Variants in CFAP65 observed in about 807,000 individuals in gnomAD.
CFAP65 encodes the protein cilia- and flagella-associated protein 65.
CFAP65 carries 155 observed loss-of-function variants against 208.0 expected under a neutral mutation model. That is an observed-to-expected ratio of 0.75 (90% CI 0.65 to 0.85). CFAP65 has a LOEUF of 0.85. Ranked by LOEUF, CFAP65 falls within the 40% of genes least tolerant of loss-of-function variation. The pLI is 0.00. For missense variants in CFAP65, 2,294 were observed against 2,451.3 expected, an observed-to-expected ratio of 0.94 and a Z score of 1.36; for synonymous variants, 970 against 986.3, an observed-to-expected ratio of 0.98 and a Z score of 0.31.
At position 219,004,286 on chromosome 2, in the gene CFAP65, C is replaced by T. The variant is rs779288534; in HGVS notation, c.5221G>A (p.Gly1741Arg). The T allele has an allele frequency of 1.2e-6, 2 of 1,614,142 alleles. No homozygotes were observed. The highest frequency in any genetic ancestry group is 3.3e-5 in the Admixed American group (2 of 60,022). The part of the protein sequence containing the change: ...LPVPSSSWED[G>R]KGKQPKEDRP... ...TCTTCCTTCGGCTGCTTGCCCTTCCCATCCTCCCAGCTGCTGGAGGGTACA... is the reference window on the plus strand; with the variant it reads ...TCTTCCTTCGGCTGCTTGCCCTTCCTATCCTCCCAGCTGCTGGAGGGTACA... The change falls in exon 33 of 35, where the codon GGG (glycine) becomes AGG (arginine). Residue 1741 changes from glycine (G) to arginine (R), a missense_variant. This residue lies in a region of CFAP65 where 1,427 missense variants were observed against 1,438.7 expected (regional missense o/e 0.99). Transcript: ENST00000341552. The surrounding 1 kb of genome is among the most constrained non-coding windows in gnomAD (Gnocchi z 4.7).
In CFAP65 at chr2:219,028,196, T is replaced by C; in HGVS notation, c.1851+5A>G. Reference sequence around the variant, plus strand: ...AGGGATATGCAGCTGGGGAGGGCACTGTACCTGGATGGGAATCATGAGAGC... The same window carrying C: ...AGGGATATGCAGCTGGGGAGGGCACCGTACCTGGATGGGAATCATGAGAGC... On this transcript the variant is annotated splice_donor_5th_base_variant and intron_variant, in intron 12 of 34. Coordinates refer to ENST00000341552, the MANE Select transcript of CFAP65 (RefSeq NM_194302.4). 1 of 1,613,506 alleles carries C rather than the reference T, an allele frequency of 6.2e-7. No individual in the cohort carries two copies. Among genetic ancestry groups the C allele is most frequent in the Non-Finnish European group, 8.5e-7 (1 of 1,179,570 alleles).
intron 19 of CFAP65, 105 bp from the exon 20 acceptor site, chr2:219,019,824 C>CTCCTGCA: frequency 6.9e-6 from 6 of 864,008 alleles, no homozygotes; most frequent in South Asian, 1.6e-5. Context: ...GGCCCCAGGA[C>CTCCTGCA]CCTCATCAGG....
Position 219,032,112 on chromosome 2 carries a change from G to C in CFAP65, c.645+358C>G, listed in dbSNP as rs1476095180. 1.3e-5 allele frequency among the ~76,000 whole-genome samples: 2 copies of C among 151,936 alleles called. No homozygotes were observed. Among genetic ancestry groups the C allele is most frequent in the Non-Finnish European group, 2.9e-5 (2 of 67,968 alleles). On this transcript the variant is annotated intron_variant, in intron 6 of 34. Transcript: ENST00000341552. This position sits in a 1 kb window ranked among gnomAD's most constrained non-coding sequence, Gnocchi z 5.5. ...CTTTTGTATTTTTTAGTAGAGGTGG[G>C]GTTTCGCCATGTCGGCCAGGCTGGT...
chr2:219,026,475 G>GAGCCACAAATGCC, intron 13 of CFAP65: 1 of 247,076 alleles, frequency 4.0e-6, no homozygotes, highest in Non-Finnish European at 7.7e-6. Flanking sequence ...AATATCACGT[G>GAGCCACAAATGCC]AGCCACAAAT....
chr2:219,023,416 T>A lies in CFAP65; in HGVS notation c.2611A>T (p.Ser871Cys). The A allele has an allele frequency of 6.3e-7, 1 of 1,577,728 alleles. No individual in the cohort carries two copies. Among genetic ancestry groups the A allele is most frequent in the Non-Finnish European group, 8.6e-7 (1 of 1,162,004 alleles). ...TTCAGCTGCAGTGGCTCCTCCCGGCTGTACATGCTCACCTCCTGGAGCCAG... is the reference window on the plus strand; with the variant it reads ...TTCAGCTGCAGTGGCTCCTCCCGGCAGTACATGCTCACCTCCTGGAGCCAG... ...PQYLKEVSMYSREEPLQLKLD... is the reference protein window; with the variant it reads ...PQYLKEVSMYCREEPLQLKLD... Residue 871 changes from serine (S) to cysteine (C), a missense_variant, in exon 16 of 35, where the codon AGC (serine) becomes TGC (cysteine). Ser to Cys is a moderately radical substitution (Grantham distance 112, BLOSUM62 -1). Coordinates refer to ENST00000341552, the MANE Select transcript of CFAP65 (RefSeq NM_194302.4).
In CFAP65 at chr2:219,003,407, G is replaced by A. The variant is rs993117757; in HGVS notation, c.5556-135C>T. On this transcript the variant is annotated intron_variant, in intron 33 of 34. Coordinates refer to ENST00000341552, the MANE Select transcript of CFAP65 (RefSeq NM_194302.4). The surrounding 1 kb of genome is among the most constrained non-coding windows in gnomAD (Gnocchi z 4.4). The stretch of plus-strand genomic sequence containing the variant: ...GACTCCCCTCATCCACTACACTATG[G>A]GGCATTCTTGTTTCAATGTTACGGA... The A allele has an allele frequency of 8.9e-7, 1 of 1,120,956 alleles. No individual in the cohort carries two copies. The highest frequency in any genetic ancestry group is 1.6e-5 in the African/African-American group (1 of 62,260). The allele number at this position is 1,120,956 out of a possible 1,614,324, so 69.4% of individuals were successfully genotyped here.
At position 219,031,544 on chromosome 2, in the gene CFAP65, G is replaced by A; in HGVS notation, c.760C>T (p.Pro254Ser). ...LICRPPSLQL[P>S]MCAVGDTTEA... ...GTCGTATCTCCCACAGCACACATGG[G>A]CAGCTGCAGGGATGGTGGGCGGCAG... is the stretch of plus-strand genomic sequence containing the variant. Residue 254 changes from proline (P) to serine (S), a missense_variant, in exon 7 of 35, where the codon CCC becomes TCC. Pro to Ser is a moderately conservative substitution (Grantham distance 74). Around this residue, in one of 2 missense-constraint regions of CFAP65, gnomAD observed 867 missense variants for 1,012.6 expected, o/e 0.86. Transcript: ENST00000341552. The surrounding 1 kb of genome is among the most constrained non-coding windows in gnomAD (Gnocchi z 5.2). The A allele has an allele frequency of 1.2e-6, 2 of 1,614,252 alleles. No homozygotes were observed. The highest frequency in any genetic ancestry group is 8.5e-7 in the Non-Finnish European group (1 of 1,180,050).
intron 4 of CFAP65, among the ~76,000 whole-genome samples, chr2:219,038,072 GCTCCCAGCA>G (rs1407382292): frequency 6.6e-6 from 1 of 152,182 alleles, no homozygotes; most frequent in African/African-American, 2.4e-5. Context: ...GGCACTCACT[GCTCCCAGCA>G]CTCCAGTGTG....
intron 8 of CFAP65, 117 bp downstream of exon 8, chr2:219,030,989 C>A: frequency 1.4e-6 from 2 of 1,426,122 alleles, no homozygotes; most frequent in Non-Finnish European, 9.4e-7. Context: ...TGGGGGAGGG[C>A]AGGAGGCCGG....
At chr2:219,018,887 C>A (rs1947081270) in intron 21 of CFAP65, 164 bp downstream of exon 21, 1 of 914,434 alleles carries the variant, frequency 1.1e-6, no homozygotes, top group Non-Finnish European at 1.7e-6. Flanking sequence ...GTCCTGCTGG[C>A]AACCCCAGTT....
At chr2:219,016,921 A>G (rs547436393) in intron 21 of CFAP65, among the ~76,000 whole-genome samples, 1 of 152,348 alleles carries the variant, frequency 6.6e-6, no homozygotes, top group South Asian at 2.1e-4. Context: ...CCGCTGCTCC[A>G]GCCACGCGGT....
intron 4 of CFAP65, among the ~76,000 whole-genome samples, chr2:219,037,849 C>T (rs1948455241): frequency 6.6e-6 from 1 of 152,214 alleles, no homozygotes; most frequent in Non-Finnish European, 1.5e-5. Context: ...TACACAAAGC[C>T]ATACCCATAG....
In CFAP65 at chr2:219,032,535, G is replaced by A. The variant is rs770839947; in HGVS notation, c.580C>T (p.Gln194Ter). Residue 194 changes from glutamine to a stop codon, truncating the protein, a stop_gained, in exon 6 of 35, where the codon CAG becomes TAG. Coordinates refer to ENST00000341552, the MANE Select transcript of CFAP65 (RefSeq NM_194302.4). LOFTEE classifies it high-confidence loss of function. This position sits in a 1 kb window ranked among gnomAD's most constrained non-coding sequence, Gnocchi z 5.5. Reference sequence around the variant, plus strand: ...ATGCCTGGGCTCAGGAAGATGGGCTGAGGGATGACCGTGAAGAAGAACTTG... The same window carrying A: ...ATGCCTGGGCTCAGGAAGATGGGCTAAGGGATGACCGTGAAGAAGAACTTG... ...KTKFFFTVIP[Q>*]PIFLSPGITL... is the part of the protein sequence containing the mutation. 2 of 1,607,452 alleles carry A rather than the reference G, an allele frequency of 1.2e-6. No homozygotes were observed. The highest frequency in any genetic ancestry group is 2.2e-5 in the East Asian group (1 of 44,654).
Position 219,010,020 on chromosome 2 carries a change from G to C in CFAP65, c.4374C>G (p.Arg1458=). The change falls in exon 27 of 35, where the codon CGC becomes CGG. Residue 1458 remains arginine (R), a synonymous_variant. Coordinates refer to ENST00000341552, the MANE Select transcript of CFAP65 (RefSeq NM_194302.4). The part of the protein sequence containing the change: ...GNIPVQSKCS[R]LLFLNNISKN... ...TGGAGATGTTGTTGAGGAAGAGCAGGCGGCTGCACTTGCTCTGCACAGGTA... is the reference window on the plus strand; with the variant it reads ...TGGAGATGTTGTTGAGGAAGAGCAGCCGGCTGCACTTGCTCTGCACAGGTA... 1 of 1,612,820 alleles carries C rather than the reference G, an allele frequency of 6.2e-7. No homozygotes were observed. The highest frequency in any genetic ancestry group is 2.2e-5 in the East Asian group (1 of 44,870).
intron 4 of CFAP65, among the ~76,000 whole-genome samples, chr2:219,036,951 T>C (rs2106266940): frequency 6.6e-6 from 1 of 152,312 alleles, no homozygotes; most frequent in South Asian, 2.1e-4. Context: ...TGAGTGTGTC[T>C]GATGGCCAAT....
At position 219,032,490 on chromosome 2, in the gene CFAP65, C is replaced by T. The variant is rs144290052; in HGVS notation, c.625G>A (p.Val209Ile). Residue 209 changes from valine to isoleucine, a missense_variant, in exon 6 of 35, where the codon GTC becomes ATC. Val to Ile is a conservative substitution (Grantham distance 29, BLOSUM62 3). Transcript: ENST00000341552. The surrounding 1 kb of genome is among the most constrained non-coding windows in gnomAD (Gnocchi z 5.5). ...CTTACCGCCTCCAGAGGCCGGAAGA[C>T]GATGGGGAGCGTGAGGGTTATGCCT... ...SPGITLTLPI[V>I]FRPLEAKEYM... The T allele has an allele frequency of 6.4e-5, 102 of 1,600,802 alleles. 1 individual carries two copies. In the South Asian group the frequency reaches 8.8e-4, roughly 14 times the overall value.
At position 219,031,743 on chromosome 2, in the gene CFAP65, C is replaced by T; in HGVS notation, c.646-85G>A. On this transcript the variant is annotated intron_variant, in intron 6 of 34. Coordinates refer to ENST00000341552, the MANE Select transcript of CFAP65 (RefSeq NM_194302.4). The surrounding 1 kb of genome is among the most constrained non-coding windows in gnomAD (Gnocchi z 5.2). ...CCCGCCCACCCTCAGCCACCCCCAA[C>T]ACAACCGCTGAGGGGAGGGCCAGGC... 3 of 1,503,120 alleles carry T rather than the reference C, an allele frequency of 2.0e-6. No homozygotes were observed. Among genetic ancestry groups the T allele is most frequent in the Non-Finnish European group, 2.7e-6 (3 of 1,114,662 alleles). 93.1% of individuals were successfully genotyped at this position (1,503,120 alleles called of 1,614,324 possible).
rs371493151 is a variant in CFAP65 at position 219,024,540 on chromosome 2, C to T, written c.2350-280G>A. On this transcript the variant is annotated intron_variant, in intron 14 of 34. Transcript: ENST00000341552. ...AACTCAGGCCTCCAAGGCCGTTCCT[C>T]AAGGATAAAGTAGAAGTTGTTTCAT... 5.8e-4 allele frequency among the ~76,000 whole-genome samples: 88 copies of T among 151,956 alleles called. 1 individual carries two copies. The East Asian group carries it at 0.013, about 23-fold the overall frequency.
At chr2:219,036,527 C>T (rs1333327218) in intron 4 of CFAP65, among the ~76,000 whole-genome samples, 2 of 152,008 alleles carry the variant, frequency 1.3e-5, no homozygotes, top group African/African-American at 2.4e-5. Flanking sequence ...TCACTGCAAC[C>T]TCTGCCTCCC....
Sources: gnomAD v4.1 joint callset for allele counts (sites outside exome capture counted in the v4.1 genomes callset) on GRCh38, gnomAD v4.1.1 for gene constraint, gnomAD v4.1.1 regional missense constraint, Gnocchi (gnomAD v3.1) non-coding constraint, MANE v1.5 for transcripts, NCBI Gene and HGNC (gene_info 2026-07-23, HGNC 2026-07-21) for gene names.